The following AGBL1 variants were observed in gnomAD, a reference collection of about 807,000 sequenced individuals.
AGBL1 encodes cytosolic carboxypeptidase 4.
A neutral mutation model predicts 118.9 loss-of-function variants in AGBL1; 130 were observed. The ratio of observed to expected loss-of-function variants is 1.09; its 90% CI spans 0.95 to 1.26. The LOEUF is 1.26. AGBL1 is among the 50% of genes most tolerant of loss of function. The pLI, the probability that AGBL1 is intolerant of heterozygous loss-of-function variation, is 0.00. For missense variants in AGBL1, 1,584 were observed against 1,298.1 expected, an observed-to-expected ratio of 1.22 and a Z score of -3.38; for synonymous variants, 555 against 478.9, an observed-to-expected ratio of 1.16 and a Z score of -2.08.
chr15:86,885,689 C>T (rs1596591590), intron 22 of AGBL1, among the ~76,000 whole-genome samples: 2 of 152,252 alleles, frequency 1.3e-5, no homozygotes, highest in Middle Eastern at 3.4e-3. Context: ...AAATGTGTTA[C>T]TTCTAACTAA....
intron 22 of AGBL1, among the ~76,000 whole-genome samples, chr15:86,882,016 CAAATGCAA>C (rs1430934607): frequency 6.6e-6 from 1 of 152,144 alleles, no homozygotes; most frequent in Non-Finnish European, 1.5e-5. Context: ...GGTGGGGACA[CAAATGCAA>C]ACCATATCGG....
intron 18 of AGBL1, among the ~76,000 whole-genome samples, chr15:86,456,382 T>G (rs16977311): frequency 2.7e-3 from 413 of 152,312 alleles, no homozygotes; most frequent in African/African-American, 9.3e-3. Flanking sequence ...AGCATGGGAT[T>G]TCCAAATTTT....
At chr15:86,543,610 T>G (rs1177276311) in intron 19 of AGBL1, among the ~76,000 whole-genome samples, 7 of 152,150 alleles carry the variant, frequency 4.6e-5, no homozygotes, top group Non-Finnish European at 1.0e-4. Context: ...GCCCTTTTCA[T>G]GCATGGCCAA....
chr15:86,952,969 G>C (rs2080894867), intron 23 of AGBL1, among the ~76,000 whole-genome samples: 1 of 152,144 alleles, frequency 6.6e-6, no homozygotes, highest in South Asian at 2.1e-4. Flanking sequence ...CCTTTTTGAA[G>C]ATCAGATTGT....
At position 86,613,376 on chromosome 15, in the gene AGBL1, G is replaced by A. The variant is rs890674449; in HGVS notation, c.2994+58839G>A. Reference sequence around the variant, plus strand: ...GGGGCAGTAGGACACCGGTTGGTGCGTGGACAGTTAGTGGGTGAGAAGACA... The same window carrying A: ...GGGGCAGTAGGACACCGGTTGGTGCATGGACAGTTAGTGGGTGAGAAGACA... On this transcript the variant is annotated intron_variant, in intron 21 of 22. Coordinates refer to ENST00000614907, the MANE Select transcript of AGBL1 (RefSeq NM_001386094.1). The surrounding 1 kb of genome is among the most constrained non-coding windows in gnomAD (Gnocchi z 4.2). Among the ~76,000 whole-genome samples, 13 of 152,172 alleles carry A rather than the reference G, an allele frequency of 8.5e-5. No homozygotes were observed. The highest frequency in any genetic ancestry group is 2.4e-4 in the African/African-American group (10 of 41,448).
chr15:86,488,035 C>G (rs1230961540), intron 18 of AGBL1, among the ~76,000 whole-genome samples: 1 of 152,008 alleles, frequency 6.6e-6, no homozygotes, highest in African/African-American at 2.4e-5. Context: ...ATTAACTCAT[C>G]CTGAACTTTT....
intron 1 of AGBL1, among the ~76,000 whole-genome samples, chr15:86,141,688 C>T (rs2076965713): frequency 1.3e-5 from 2 of 152,182 alleles, no homozygotes; most frequent in South Asian, 4.1e-4. Context: ...ACTGAAATAA[C>T]AGACCTGTGC....
chr15:86,965,622 G>A (rs1326812291), intron 23 of AGBL1, among the ~76,000 whole-genome samples: 1 of 152,018 alleles, frequency 6.6e-6, no homozygotes, highest in Non-Finnish European at 1.5e-5. Context: ...ATCAATGATA[G>A]ACTGGATAAA....
At chr15:86,933,947 C>G (rs2080635681) in intron 23 of AGBL1, among the ~76,000 whole-genome samples, 1 of 152,196 alleles carries the variant, frequency 6.6e-6, no homozygotes, top group African/African-American at 2.4e-5. Context: ...GTTTCTCCAT[C>G]TTCAATTCTT....
chr15:86,721,242 A>G (rs2086715337), intron 22 of AGBL1, among the ~76,000 whole-genome samples: 1 of 152,188 alleles, frequency 6.6e-6, no homozygotes. Context: ...TCGATGCAAA[A>G]ATCCTCAATA....
rs202120021 is a variant in AGBL1 at position 86,976,189 on chromosome 15, ATAT to A, written c.3222-11793_3222-11791del. ...TTACTTATTTATGTATTAATAAATTATATTATTTAAGAAATTATAATTTATTCT... is the reference window on the plus strand; with the variant it reads ...TTACTTATTTATGTATTAATAAATTATATTTAAGAAATTATAATTTATTCT... On this transcript the variant is annotated intron_variant, in intron 23 of 24. Transcript: ENST00000441037. Among the ~76,000 whole-genome samples, 1,234 of 150,242 alleles carry A rather than the reference ATAT, an allele frequency of 8.2e-3. 18 individuals are homozygous for A. The highest frequency in any genetic ancestry group is 0.028 in the African/African-American group (1,151 of 41,248).
intron 22 of AGBL1, among the ~76,000 whole-genome samples, chr15:86,871,218 T>C (rs894187482): frequency 6.6e-6 from 1 of 152,172 alleles, no homozygotes; most frequent in Non-Finnish European, 1.5e-5. Context: ...GTCTCCAGTA[T>C]CCATGATCCC....
At chr15:86,578,811 G>A (rs761434551) in intron 21 of AGBL1, among the ~76,000 whole-genome samples, 1 of 152,160 alleles carries the variant, frequency 6.6e-6, no homozygotes, top group Non-Finnish European at 1.5e-5. Context: ...CACCATGACT[G>A]TGAAGCCTCC....
At chr15:86,393,989 A>G (rs1479921372) in intron 17 of AGBL1, among the ~76,000 whole-genome samples, 6 of 152,184 alleles carry the variant, frequency 3.9e-5, no homozygotes, top group African/African-American at 7.2e-5. Flanking sequence ...CACCAGGCAC[A>G]GAATTTGCTG....
At chr15:86,830,162 C>G (rs940899813) in intron 22 of AGBL1, among the ~76,000 whole-genome samples, 2 of 152,014 alleles carry the variant, frequency 1.3e-5, no homozygotes, top group African/African-American at 2.4e-5. Flanking sequence ...ACTCTACTCT[C>G]AGAATTAAGT....
chr15:86,150,130 C>G (rs141612004), intron 3 of AGBL1, among the ~76,000 whole-genome samples: 9,785 of 152,174 alleles, frequency 0.064, 516 homozygotes, highest in East Asian at 0.27. Flanking sequence ...TTAAAGCAGT[C>G]TGTAGAGGGA....
chr15:86,808,687 TTTCCTTCCTCC>T (rs1275622727), intron 22 of AGBL1, among the ~76,000 whole-genome samples: 1 of 149,824 alleles, frequency 6.7e-6, no homozygotes, highest in Non-Finnish European at 1.5e-5. Context: ...TTCCTTCCTT[TTTCCTTCCTCC>T]TTCCTTCCTT....
rs150912250 is a variant in AGBL1 at position 86,849,746 on chromosome 15, C to T, written c.3159-57341C>T. Among the ~76,000 whole-genome samples, 394 of 152,270 alleles carry T rather than the reference C, an allele frequency of 2.6e-3. 4 individuals are homozygous for T. The highest frequency in any genetic ancestry group is 9.1e-3 in the South Asian group (44 of 4,830). Reference sequence around the variant, plus strand: ...GCTTAGTATCTGTGCTCCGCAGGGGCGATTCCCATTAGCTTCTGTGCCCAG... The same window carrying T: ...GCTTAGTATCTGTGCTCCGCAGGGGTGATTCCCATTAGCTTCTGTGCCCAG... On this transcript the variant is annotated intron_variant, in intron 22 of 22. Transcript: ENST00000614907.
chr15:86,922,850 A>C (rs186736471), intron 23 of AGBL1, among the ~76,000 whole-genome samples: 1 of 152,338 alleles, frequency 6.6e-6, no homozygotes, highest in Admixed American at 6.5e-5. Flanking sequence ...TGCAAGCTCA[A>C]GTTCTGAAGC....
Sources: gnomAD v4.1 joint callset for allele counts (sites outside exome capture counted in the v4.1 genomes callset) on GRCh38, gnomAD v4.1.1 for gene constraint, Gnocchi (gnomAD v3.1) non-coding constraint, MANE v1.5 for transcripts, NCBI Gene and HGNC (gene_info 2026-07-23, HGNC 2026-07-21) for gene names.